Variants in TET1 observed in about 807,000 individuals in gnomAD.
TET1 encodes tet methylcytosine dioxygenase 1, also known as methylcytosine dioxygenase TET1.
In TET1, 13 loss-of-function variants were observed where a neutral mutation model predicts 148.7. That is an observed-to-expected ratio of 0.09 (90% CI 0.06 to 0.14). The LOEUF is 0.14. Ranked by LOEUF, TET1 falls within the 10% of genes least tolerant of loss-of-function variation. The pLI is 1.00. For synonymous variants in TET1, 907 were observed against 937.2 expected, an observed-to-expected ratio of 0.97 and a Z score of 0.59; for missense variants, 2,182 against 2,553.8, an observed-to-expected ratio of 0.85 and a Z score of 3.14.
At position 68,693,773 on chromosome 10, in the gene TET1, C is replaced by T. The variant is rs1342010984; in HGVS notation, c.*1959C>T. The T allele has an allele frequency of 4.3e-6, 1 of 231,420 alleles. No individual in the cohort carries two copies. The highest frequency in any genetic ancestry group is 2.2e-5 in the African/African-American group (1 of 45,252). 14.3% of individuals were successfully genotyped at this position (231,420 alleles called of 1,614,324 possible). A position where few individuals can be genotyped will look rare whatever the true frequency, so the allele number is the denominator to read the frequency against. ...CAACAAGATATTTACTAGTATTAGA[C>T]TATCAGGAATACACCCTTGCGAGAT... On this transcript the variant is annotated 3_prime_UTR_variant, in exon 12 of 12. Coordinates refer to ENST00000373644, the MANE Select transcript of TET1 (RefSeq NM_030625.3).
chr10:68,564,156 C>T (rs1218047975), intron 1 of TET1, among the ~76,000 whole-genome samples: 1 of 138,000 alleles, frequency 7.2e-6, no homozygotes, highest in Non-Finnish European at 1.6e-5. Flanking sequence ...CTATTGTTTT[C>T]TTTTTTTTTT....
intron 2 of TET1, among the ~76,000 whole-genome samples, chr10:68,577,669 A>G (rs758327431): frequency 6.6e-6 from 1 of 152,078 alleles, no homozygotes; most frequent in Non-Finnish European, 1.5e-5. Context: ...ATAGCAGAGC[A>G]TGGTGGTGCC....
intron 3 of TET1, among the ~76,000 whole-genome samples, chr10:68,614,015 T>C (rs1564968665): frequency 6.6e-6 from 1 of 152,166 alleles, no homozygotes; most frequent in African/African-American, 2.4e-5. Context: ...TTAAGATAAG[T>C]AGAAGCTATT....
rs2053691319 is a variant in TET1 at position 68,573,280 on chromosome 10, C to T, written c.942C>T (p.Cys314=). The change falls in exon 2 of 12, where the codon TGC becomes TGT. Residue 314 remains cysteine (C), a synonymous_variant. Coordinates refer to ENST00000373644, the MANE Select transcript of TET1 (RefSeq NM_030625.3). ...TACCTGACTTGAACCTTAGAAACTG[C>T]TTGGCTCTTGGTGGGTCTACGTCTC... The part of the protein sequence containing the change: ...KVIPDLNLRN[C]LALGGSTSPT... The T allele has an allele frequency of 6.2e-7, 1 of 1,613,962 alleles. No individual in the cohort carries two copies. Among genetic ancestry groups the T allele is most frequent in the Admixed American group, 1.7e-5 (1 of 59,998 alleles).
rs566556807 is a variant in TET1, at chr10:68,582,780, C to G, written c.1914+8528C>G. Among the ~76,000 whole-genome samples, 4 of 152,260 alleles carry G rather than the reference C, an allele frequency of 2.6e-5. No homozygotes were observed. The East Asian group carries it at 7.7e-4, about 29-fold the overall frequency. On this transcript the variant is annotated intron_variant, in intron 2 of 11. Transcript: ENST00000373644. ...ATATGGAACAAATTTTTGCTACCAA[C>G]TCTTTCAATTGAGGGCAGATGTTAT... is the stretch of plus-strand genomic sequence containing the variant.
chr10:68,564,425 AG>A (rs1486526714), intron 1 of TET1, among the ~76,000 whole-genome samples: 2 of 152,076 alleles, frequency 1.3e-5, no homozygotes, highest in African/African-American at 4.8e-5. Flanking sequence ...CTGGGATTAT[AG>A]GTGTGAGCCA....
rs12356194 is a variant in TET1, at chr10:68,629,104, C to T, written c.1969-15594C>T. On this transcript the variant is annotated intron_variant, in intron 3 of 11. Coordinates refer to ENST00000373644, the MANE Select transcript of TET1 (RefSeq NM_030625.3). ...TGTATGCCGGGCGCGGTGGCTCATGCCTGGAATCTCAGCACTTGGGAAGCC... is the reference window on the plus strand; with the variant it reads ...TGTATGCCGGGCGCGGTGGCTCATGTCTGGAATCTCAGCACTTGGGAAGCC... 5.2e-3 allele frequency among the ~76,000 whole-genome samples: 789 copies of T among 152,204 alleles called. 5 individuals are homozygous for T. Among genetic ancestry groups the T allele is most frequent in the Non-Finnish European group, 9.1e-3 (620 of 68,010 alleles).
At chr10:68,578,745 A>T (rs1220620250) in intron 2 of TET1, among the ~76,000 whole-genome samples, 3 of 152,076 alleles carry the variant, frequency 2.0e-5, no homozygotes. Flanking sequence ...CACATGGGGG[A>T]CAAAGGGGAT....
chr10:68,608,173 C>T (rs1352953706), intron 3 of TET1, among the ~76,000 whole-genome samples: 1 of 152,100 alleles, frequency 6.6e-6, no homozygotes, highest in Non-Finnish European at 1.5e-5. Flanking sequence ...CATGATCCAC[C>T]CTCCTTGGCC....
intron 8 of TET1, chr10:68,674,756 A>C: frequency 2.0e-6 from 1 of 495,814 alleles, no homozygotes; most frequent in Non-Finnish European, 3.9e-6. Flanking sequence ...AAAATGCAAC[A>C]ATCAGATACG....
chr10:68,674,674 G>T (rs1258179203), intron 8 of TET1: 5 of 458,088 alleles, frequency 1.1e-5, no homozygotes, highest in Middle Eastern at 4.7e-4. Flanking sequence ...GGCAGACAAT[G>T]GTTGAAGGTC....
intron 3 of TET1, among the ~76,000 whole-genome samples, chr10:68,623,472 G>T (rs985558019): frequency 6.6e-6 from 1 of 152,188 alleles, no homozygotes; most frequent in Admixed American, 6.6e-5. Flanking sequence ...CTTGGCAAAG[G>T]TTGAGGAATC....
chr10:68,646,724 A>G lies in TET1; in HGVS notation c.3995A>G (p.Gln1332Arg). The G allele has an allele frequency of 1.2e-6, 2 of 1,614,184 alleles. No homozygotes were observed. The highest frequency in any genetic ancestry group is 1.7e-6 in the Non-Finnish European group (2 of 1,180,034). The change falls in exon 4 of 12, where the codon CAG becomes CGG. Residue 1332 changes from glutamine (Q) to arginine (R), a missense_variant. Gln to Arg is a conservative substitution (Grantham distance 43). Coordinates refer to ENST00000373644, the MANE Select transcript of TET1 (RefSeq NM_030625.3). ...QQVVKEQLMH[Q>R]RLPTLPGISH... is the part of the protein sequence containing the mutation. ...GTTGTTAAGGAGCAACTCATGCATC[A>G]GAGACTGCCAACATTGCCTGGTATC...
At chr10:68,660,943 C>T (rs1047586984) in intron 6 of TET1, among the ~76,000 whole-genome samples, 2 of 152,176 alleles carry the variant, frequency 1.3e-5, no homozygotes, top group East Asian at 1.9e-4. Flanking sequence ...GGATTACATG[C>T]GTGTGCCACC....
chr10:68,688,146 G>T (rs1343365752), intron 11 of TET1, among the ~76,000 whole-genome samples: 1 of 152,046 alleles, frequency 6.6e-6, no homozygotes, highest in Admixed American at 6.6e-5. Flanking sequence ...ACCCAGGCTG[G>T]AGTACAGTGG....
intron 6 of TET1, among the ~76,000 whole-genome samples, chr10:68,656,156 ATTAC>A (rs2055018042): frequency 6.6e-6 from 1 of 152,188 alleles, no homozygotes; most frequent in Non-Finnish European, 1.5e-5. Flanking sequence ...GAGTTGTATA[ATTAC>A]TTTATTATAT....
At chr10:68,689,188 G>C (rs1370015484) in intron 11 of TET1, among the ~76,000 whole-genome samples, 1 of 152,196 alleles carries the variant, frequency 6.6e-6, no homozygotes, top group Non-Finnish European at 1.5e-5. Context: ...GTTTCCTGAT[G>C]TACCATTTCT....
At chr10:68,599,096 C>A (rs879328432) in intron 2 of TET1, among the ~76,000 whole-genome samples, 12 of 152,172 alleles carry the variant, frequency 7.9e-5, no homozygotes, top group Non-Finnish European at 1.6e-4. Flanking sequence ...CGTTCCAACA[C>A]GGAAAGCATG....
At chr10:68,630,448 A>G (rs1393749033) in intron 3 of TET1, among the ~76,000 whole-genome samples, 1 of 152,090 alleles carries the variant, frequency 6.6e-6, no homozygotes, top group African/African-American at 2.4e-5. Context: ...CTGAGTAGCT[A>G]GGATTTTAGG....
Sources: gnomAD v4.1 joint callset for allele counts (sites outside exome capture counted in the v4.1 genomes callset) on GRCh38, gnomAD v4.1.1 for gene constraint, MANE v1.5 for transcripts, NCBI Gene and HGNC (gene_info 2026-07-23, HGNC 2026-07-21) for gene names.